The following RSPO4 variants were observed in gnomAD, a reference collection of about 807,000 sequenced individuals.
RSPO4 encodes the protein R-spondin-4.
Under a neutral mutation model 24.8 loss-of-function variants are expected in RSPO4, and 23 were observed. The observed-to-expected ratio is 0.93, with a 90% CI of 0.67 to 1.31. The LOEUF (loss-of-function observed/expected upper bound fraction) is 1.31, where lower values mean the gene tolerates loss of function less well. Ranked by LOEUF, RSPO4 falls within the 40% of genes most tolerant of loss-of-function variation. The pLI is 0.00. For synonymous variants in RSPO4, 141 were observed against 127.4 expected, an observed-to-expected ratio of 1.11 and a Z score of -0.72; for missense variants, 333 against 316.5, an observed-to-expected ratio of 1.05 and a Z score of -0.39.
chr20:1,000,994 C>T (rs6056518), intron 1 of RSPO4, among the ~76,000 whole-genome samples: 8,543 of 152,320 alleles, frequency 0.056, 743 homozygotes, highest in African/African-American at 0.18. Context: ...AACCCATCCT[C>T]TCTCATTTTC....
At chr20:982,567 G>A (rs1489524375) in intron 1 of RSPO4, among the ~76,000 whole-genome samples, 1 of 152,210 alleles carries the variant, frequency 6.6e-6, no homozygotes, top group Non-Finnish European at 1.5e-5. Flanking sequence ...CCCAGTAGGT[G>A]CTCAGTGAGT....
intron 1 of RSPO4, 140 bp downstream of exon 1, chr20:1,001,946 T>G: frequency 2.9e-6 from 2 of 685,276 alleles, no homozygotes; most frequent in Non-Finnish European, 5.0e-6. Flanking sequence ...TTAAGTGAGG[T>G]TGAGACTCGT....
At position 968,151 on chromosome 20, in the gene RSPO4, C is replaced by G; in HGVS notation, c.80-13G>C. 2 of 1,612,694 alleles carry G rather than the reference C, an allele frequency of 1.2e-6. No homozygotes were observed. Among genetic ancestry groups the G allele is most frequent in the Non-Finnish European group, 1.7e-6 (2 of 1,179,010 alleles). ...AGGCCAGTGCCCACTGCCCACAAGACCAGGGCAGAAGGAGGGGGAAAGGGA... is the reference window on the plus strand; with the variant it reads ...AGGCCAGTGCCCACTGCCCACAAGAGCAGGGCAGAAGGAGGGGGAAAGGGA... On this transcript the variant is annotated splice_polypyrimidine_tract_variant and intron_variant, in intron 1 of 4. Coordinates refer to ENST00000217260, the MANE Select transcript of RSPO4 (RefSeq NM_001029871.4).
chr20:976,042 C>T (rs742924), intron 1 of RSPO4, among the ~76,000 whole-genome samples: 20,118 of 152,146 alleles, frequency 0.13, 1,617 homozygotes, highest in East Asian at 0.36. Context: ...GGTTGATATC[C>T]TGGCCCCATC....
In RSPO4 at chr20:982,226, A is replaced by G. The variant is rs371177694; in HGVS notation, c.80-14088T>C. ...CAGAGCTAGTGCCCTGTTAGCCAGG[A>G]ACACAGAACTGTCACAAAGCTGTCC... On this transcript the variant is annotated intron_variant, in intron 1 of 4. Coordinates refer to ENST00000217260, the MANE Select transcript of RSPO4 (RefSeq NM_001029871.4). Among the ~76,000 whole-genome samples the G allele has an allele frequency of 1.6e-4, 25 of 152,298 alleles. No individual in the cohort carries two copies. The East Asian group carries it at 1.7e-3, about 11-fold the overall frequency.
Position 960,274 on chromosome 20 carries a change from G to C in RSPO4, c.*83C>G. 1 of 832,874 alleles carries C rather than the reference G, an allele frequency of 1.2e-6. No homozygotes were observed. Among genetic ancestry groups the C allele is most frequent in the Non-Finnish European group, 2.0e-6 (1 of 505,768 alleles). 51.6% of individuals were successfully genotyped at this position (832,874 alleles called of 1,614,324 possible). ...ACAAATGGAGAAGACAGAGGAGAAA[G>C]AGTAAGAGGAGAGGAGGAGAAGGAG... On this transcript the variant is annotated 3_prime_UTR_variant, in exon 5 of 5. Coordinates refer to ENST00000217260, the MANE Select transcript of RSPO4 (RefSeq NM_001029871.4).
intron 3 of RSPO4, among the ~76,000 whole-genome samples, chr20:964,705 C>T (rs1465372226): frequency 6.6e-6 from 1 of 150,952 alleles, no homozygotes; most frequent in Non-Finnish European, 1.5e-5. Flanking sequence ...TACACACACA[C>T]ACACATATAT....
intron 1 of RSPO4, among the ~76,000 whole-genome samples, chr20:990,413 A>G (rs1019672052): frequency 1.3e-5 from 2 of 151,954 alleles, no homozygotes; most frequent in Non-Finnish European, 2.9e-5. Flanking sequence ...TTTGCACACA[A>G]ACATCCCAAG....
intron 1 of RSPO4, among the ~76,000 whole-genome samples, chr20:989,480 A>G (rs1380091878): frequency 6.6e-6 from 1 of 152,236 alleles, no homozygotes; most frequent in Non-Finnish European, 1.5e-5. Context: ...GGCAATGCAT[A>G]CAAAGCCTCT....
chr20:1,002,021 G>T lies in RSPO4; in HGVS notation c.79+65C>A. The stretch of plus-strand genomic sequence containing the variant: ...GATGCCCCCAGAGCCGCCGCCCCCG[G>T]TCCTCCGGCCCCCGGTCTGCCCCGC... On this transcript the variant is annotated intron_variant, in intron 1 of 4. Transcript: ENST00000217260. The surrounding 1 kb of genome is among the most constrained non-coding windows in gnomAD (Gnocchi z 4.6). 1 of 1,412,366 alleles carries T rather than the reference G, an allele frequency of 7.1e-7. No homozygotes were observed. Among genetic ancestry groups the T allele is most frequent in the Non-Finnish European group, 9.7e-7 (1 of 1,028,846 alleles). The allele number at this position is 1,412,366 out of a possible 1,614,324, so 87.5% of individuals were successfully genotyped here.
chr20:990,761 TC>T (rs1248997895), intron 1 of RSPO4, among the ~76,000 whole-genome samples: 1 of 152,176 alleles, frequency 6.6e-6, no homozygotes, highest in African/African-American at 2.4e-5. Context: ...CCAATGTCAC[TC>T]GCCTCCAGGG....
intron 1 of RSPO4, among the ~76,000 whole-genome samples, chr20:971,586 C>T (rs951425445): frequency 6.6e-6 from 1 of 152,038 alleles, no homozygotes; most frequent in Non-Finnish European, 1.5e-5. Context: ...AGCTCAAAGA[C>T]GGGGCTGAGA....
chr20:994,871 G>A (rs1985225294), intron 1 of RSPO4, among the ~76,000 whole-genome samples: 1 of 152,088 alleles, frequency 6.6e-6, no homozygotes, highest in Admixed American at 6.5e-5. Flanking sequence ...GCTCCATCCT[G>A]TCTTCTGACA....
At chr20:968,799 A>G (rs1196680951) in intron 1 of RSPO4, among the ~76,000 whole-genome samples, 8 of 152,216 alleles carry the variant, frequency 5.3e-5, no homozygotes. Context: ...GGCTCCCACC[A>G]TCATCAGGAA....
chr20:966,587 G>C (rs1191536464), intron 3 of RSPO4, among the ~76,000 whole-genome samples: 1 of 152,146 alleles, frequency 6.6e-6, no homozygotes, highest in Non-Finnish European at 1.5e-5. Flanking sequence ...GCTCAGCCAG[G>C]TGTGGTGGCT....
chr20:982,282 C>T (rs755501348), intron 1 of RSPO4, among the ~76,000 whole-genome samples: 4 of 152,150 alleles, frequency 2.6e-5, no homozygotes, highest in Non-Finnish European at 5.9e-5. Context: ...ACCAATCTGT[C>T]CGTGGAGTTG....
Position 970,283 on chromosome 20 carries a change from C to G in RSPO4, c.80-2145G>C, listed in dbSNP as rs913220007. Reference sequence around the variant, plus strand: ...CCTTCCATCCCTCAGTCCCTCTGTTCCTTCCTCCCTGCTCCAGCTCTCGGA... The same window carrying G: ...CCTTCCATCCCTCAGTCCCTCTGTTGCTTCCTCCCTGCTCCAGCTCTCGGA... On this transcript the variant is annotated intron_variant, in intron 1 of 4. Transcript: ENST00000217260. The surrounding 1 kb of genome is among the most constrained non-coding windows in gnomAD (Gnocchi z 4.1). Among the ~76,000 whole-genome samples, 1 of 152,114 alleles carries G rather than the reference C, an allele frequency of 6.6e-6. No homozygotes were observed. Among genetic ancestry groups the G allele is most frequent in the Non-Finnish European group, 1.5e-5 (1 of 68,014 alleles).
intron 1 of RSPO4, among the ~76,000 whole-genome samples, chr20:989,282 C>G (rs1280029378): frequency 1.3e-5 from 2 of 152,182 alleles, no homozygotes; most frequent in Non-Finnish European, 2.9e-5. Flanking sequence ...TGAGTCCCAG[C>G]TCTGCCACCT....
chr20:975,343 T>C (rs1022766397), intron 1 of RSPO4, among the ~76,000 whole-genome samples: 7 of 152,294 alleles, frequency 4.6e-5, no homozygotes, highest in South Asian at 2.1e-4. Flanking sequence ...CAAGCTCTAG[T>C]TGCAACCTCC....
Sources: gnomAD v4.1 joint callset for allele counts (sites outside exome capture counted in the v4.1 genomes callset) on GRCh38, gnomAD v4.1.1 for gene constraint, Gnocchi (gnomAD v3.1) non-coding constraint, MANE v1.5 for transcripts, NCBI Gene and HGNC (gene_info 2026-07-23, HGNC 2026-07-21) for gene names.